Variants in CAPS2 observed in about 807,000 individuals in gnomAD.
The protein encoded by CAPS2 is calcyphosin-2.
Under a neutral mutation model 86.5 loss-of-function variants are expected in CAPS2, and 98 were observed. That is an observed-to-expected ratio of 1.13 (90% CI 0.96 to 1.34). The LOEUF (loss-of-function observed/expected upper bound fraction) is 1.34, where lower values mean the gene tolerates loss of function less well. Ranked by LOEUF, CAPS2 falls within the 40% of genes most tolerant of loss-of-function variation. The pLI is 0.00. For missense variants in CAPS2, 729 were observed against 686.8 expected (o/e 1.06, Z -0.69); for synonymous variants, 210 against 225.1 (o/e 0.93, Z 0.60).
chr12:75,309,341 G>C (rs777485413), intron 7 of CAPS2, among the ~76,000 whole-genome samples: 1 of 152,148 alleles, frequency 6.6e-6, no homozygotes. Flanking sequence ...CGCTATCTGC[G>C]TGTGTCTCGT....
upstream of CAPS2, chr12:75,334,617 G>T: frequency 6.7e-7 from 1 of 1,499,114 alleles, no homozygotes; most frequent in Non-Finnish European, 8.9e-7. Context: ...GAGCCTGTGC[G>T]GCAGGATGGA....
intron 1 of CAPS2, chr12:75,369,443 G>T (rs1028933611): frequency 2.7e-5 from 23 of 837,578 alleles, no homozygotes; most frequent in Admixed American, 6.2e-5. Flanking sequence ...GTAGTAGAAG[G>T]TCAAAAAAAT....
chr12:75,336,938 C>G (rs948224321), intron 1 of CAPS2, among the ~76,000 whole-genome samples: 3 of 151,588 alleles, frequency 2.0e-5, no homozygotes, highest in Non-Finnish European at 3.0e-5. Context: ...AAAAAAAAGT[C>G]TTAAACCAGA....
chr12:75,296,441 G>A lies in CAPS2; in HGVS notation c.1044+2246C>T, dbSNP rs535288400. Among the ~76,000 whole-genome samples the A allele has an allele frequency of 3.9e-5, 6 of 152,168 alleles. No individual in the cohort carries two copies. In the South Asian group the frequency reaches 6.2e-4, roughly 16 times the overall value. On this transcript the variant is annotated intron_variant, in intron 11 of 16. Transcript: ENST00000393284. ...CGAGTAGCTGGGACTACAGGTGCCC[G>A]CCACCATGCCCAACTAATTTTTTTG...
At chr12:75,354,868 A>C (rs1386758340) in intron 1 of CAPS2, among the ~76,000 whole-genome samples, 9 of 152,216 alleles carry the variant, frequency 5.9e-5, no homozygotes, top group Non-Finnish European at 1.3e-4. Flanking sequence ...TGACAAAAAG[A>C]AGCAATGAGG....
chr12:75,300,710 C>T (rs534393902), intron 8 of CAPS2, among the ~76,000 whole-genome samples: 3 of 151,904 alleles, frequency 2.0e-5, no homozygotes, highest in African/African-American at 4.8e-5. Context: ...TGCCTGTGAA[C>T]GTGGCAGGGA....
At chr12:75,324,089 G>C (rs975066474) in intron 2 of CAPS2, among the ~76,000 whole-genome samples, 3 of 152,194 alleles carry the variant, frequency 2.0e-5, no homozygotes, top group Non-Finnish European at 2.9e-5. Flanking sequence ...GTCACACAGT[G>C]AATAGCCCCA....
intron 1 of CAPS2, among the ~76,000 whole-genome samples, chr12:75,355,455 A>G (rs1479024559): frequency 6.6e-6 from 1 of 152,192 alleles, no homozygotes; most frequent in African/African-American, 2.4e-5. Context: ...GGCAATTATT[A>G]AAAAGTCCAG....
At chr12:75,344,661 G>A (rs1593697439) in intron 1 of CAPS2, among the ~76,000 whole-genome samples, 1 of 151,958 alleles carries the variant, frequency 6.6e-6, no homozygotes, top group African/African-American at 2.4e-5. Flanking sequence ...ATCATATCAT[G>A]TTGGGTAAAT....
intron 12 of CAPS2, among the ~76,000 whole-genome samples, chr12:75,292,922 AGT>A (rs1383967810): frequency 2.0e-5 from 3 of 151,484 alleles, no homozygotes; most frequent in Admixed American, 6.6e-5. Context: ...AAATTGTTAT[AGT>A]ATTGTATTGA....
intron 14 of CAPS2, among the ~76,000 whole-genome samples, chr12:75,289,268 C>G (rs1475333420): frequency 6.6e-6 from 1 of 152,156 alleles, no homozygotes; most frequent in Non-Finnish European, 1.5e-5. Context: ...TGTTCTCCTT[C>G]CCCACAACCT....
At chr12:75,308,807 C>A (rs954198383) in intron 7 of CAPS2, among the ~76,000 whole-genome samples, 3 of 138,144 alleles carry the variant, frequency 2.2e-5, no homozygotes, top group Non-Finnish European at 3.0e-5. Context: ...GCAGCCAAAA[C>A]AAAAGTGAGA....
chr12:75,286,293 G>A (rs1279474111), intron 14 of CAPS2, among the ~76,000 whole-genome samples: 1 of 151,776 alleles, frequency 6.6e-6, no homozygotes, highest in Non-Finnish European at 1.5e-5. Context: ...ATAATGTACT[G>A]CACATTATGC....
intron 1 of CAPS2, among the ~76,000 whole-genome samples, chr12:75,341,747 C>CTTTTT (rs1185408752): frequency 4.9e-4 from 41 of 83,392 alleles, no homozygotes; most frequent in African/African-American, 5.8e-4. Context: ...CGCCCGGCCT[C>CTTTTT]TTTTTTTTTT....
chr12:75,362,185 G>T (rs1301190921), intron 1 of CAPS2, among the ~76,000 whole-genome samples: 1 of 151,904 alleles, frequency 6.6e-6, no homozygotes, highest in Non-Finnish European at 1.5e-5. Flanking sequence ...TCAATATAAA[G>T]AAAACTTAAA....
At position 75,290,935 on chromosome 12, in the gene CAPS2, C is replaced by A. The variant is rs200903928; in HGVS notation, c.1240+809G>T. Among the ~76,000 whole-genome samples the A allele has an allele frequency of 3.1e-3, 116 of 36,894 alleles. 2 individuals are homozygous for A. The highest frequency in any genetic ancestry group is 9.3e-3 in the Middle Eastern group (1 of 108). The allele number at this position is 36,894 out of a possible 152,430, so 24.2% of individuals were successfully genotyped here. ...CAAGGCTCTCTCTCAAAAAAAAAAA[C>A]AAAAAAAAAACATAAATTACATGTT... On this transcript the variant is annotated intron_variant, in intron 13 of 16. Transcript: ENST00000393284.
intron 1 of CAPS2, among the ~76,000 whole-genome samples, chr12:75,341,465 G>A (rs1490929002): frequency 1.3e-5 from 2 of 151,536 alleles, no homozygotes; most frequent in African/African-American, 4.8e-5. Flanking sequence ...TTTTTTCTTT[G>A]AAACGGAGTC....
intron 1 of CAPS2, chr12:75,369,869 T>C: frequency 7.5e-7 from 1 of 1,336,050 alleles, no homozygotes; most frequent in Non-Finnish European, 9.6e-7. Flanking sequence ...TTTTGTTAGT[T>C]GATTGTCTTA....
At chr12:75,386,254 A>T (rs529114326) in intron 1 of CAPS2, among the ~76,000 whole-genome samples, 4 of 152,308 alleles carry the variant, frequency 2.6e-5, no homozygotes, top group South Asian at 4.1e-4. Flanking sequence ...TGACATTAAG[A>T]CTTACTATAA....
Sources: gnomAD v4.1 joint callset for allele counts (sites outside exome capture counted in the v4.1 genomes callset) on GRCh38, gnomAD v4.1.1 for gene constraint, MANE v1.5 for transcripts, NCBI Gene and HGNC (gene_info 2026-07-23, HGNC 2026-07-21) for gene names.